Variants in BRD9 observed in about 807,000 individuals in gnomAD.
BRD9 encodes bromodomain containing 9.
BRD9 carries 47 observed loss-of-function variants against 68.7 expected under a neutral mutation model. The ratio of observed to expected loss-of-function variants is 0.68; its 90% confidence interval spans 0.54 to 0.87. BRD9 has a LOEUF of 0.87. Among genes scored for constraint, BRD9 ranks in the 40% least tolerant of loss-of-function variants. The probability of loss-of-function intolerance (pLI) is 0.00; values close to 1 mark genes in which losing one functional copy is unlikely to be tolerated. For missense variants in BRD9, 670 were observed against 748.4 expected, an observed-to-expected ratio of 0.90 and a Z score of 1.22; for synonymous variants, 313 against 293.9, an observed-to-expected ratio of 1.06 and a Z score of -0.67.
chr5:878,178 ACTGGCCTGTGGCAGAC>A (rs1751249398), intron 11 of BRD9, among the ~76,000 whole-genome samples, 161 bp downstream of exon 11: 1 of 152,080 alleles, frequency 6.6e-6, no homozygotes, highest in South Asian at 2.1e-4. Context: ...AGATTTCAGG[ACTGGCCTGTGGCAGAC>A]CTGTGTGGAT....
intron 14 of BRD9, chr5:870,194 T>C (rs1025289978): frequency 5.4e-6 from 2 of 367,528 alleles, no homozygotes; most frequent in African/African-American, 2.1e-5. Flanking sequence ...GCAACACTGA[T>C]GAAATCCACA....
At chr5:881,374 GGA>G (rs1751728712) in intron 8 of BRD9, 192 bp from the exon 9 acceptor site, 5 of 615,728 alleles carry the variant, frequency 8.1e-6, no homozygotes, top group Non-Finnish European at 1.4e-5. Flanking sequence ...CAGGTGCCAA[GGA>G]GAACCTCTTA....
intron 14 of BRD9, 26 bp from the exon 15 acceptor site, chr5:865,607 G>A (rs1464000947): frequency 5.1e-6 from 8 of 1,565,472 alleles, no homozygotes; most frequent in East Asian, 2.3e-5. Flanking sequence ...ATGACCCCAC[G>A]TCGGCTGAGC....
intron 4 of BRD9, 144 bp downstream of exon 4, chr5:889,443 G>A (rs1394184092): frequency 6.6e-6 from 6 of 911,586 alleles, no homozygotes; most frequent in South Asian, 3.5e-5. Flanking sequence ...CTCTTCCTAC[G>A]CACCCCGAAG....
intron 1 of BRD9, 112 bp downstream of exon 1, chr5:892,494 C>T: frequency 6.8e-7 from 1 of 1,469,524 alleles, no homozygotes; most frequent in East Asian, 2.7e-5. Context: ...AGAACCCCTC[C>T]CTCGTGGCCA....
chr5:866,862 A>C (rs1431203032), intron 14 of BRD9, among the ~76,000 whole-genome samples: 1 of 152,226 alleles, frequency 6.6e-6, no homozygotes, highest in African/African-American at 2.4e-5. Context: ...AGAGAGTAAA[A>C]GTTTGGAAAA....
intron 1 of BRD9, chr5:892,379 G>A: frequency 9.5e-7 from 1 of 1,055,558 alleles, no homozygotes. Flanking sequence ...TGGGCTTGCA[G>A]CCTCGAACCC....
chr5:871,173 A>T (rs993285502), intron 13 of BRD9, among the ~76,000 whole-genome samples: 19 of 152,214 alleles, frequency 1.2e-4, no homozygotes, highest in Non-Finnish European at 5.9e-5. Context: ...CTGCCCTGCC[A>T]GCACTGGCCC....
chr5:870,333 G>A, intron 14 of BRD9, 140 bp downstream of exon 14: 1 of 662,458 alleles, frequency 1.5e-6, no homozygotes, highest in East Asian at 2.7e-5. Flanking sequence ...AAAAACCTGG[G>A]ACAAAGACCA....
chr5:892,315 G>T, intron 1 of BRD9: 1 of 604,142 alleles, frequency 1.7e-6, no homozygotes, highest in Non-Finnish European at 2.7e-6. Flanking sequence ...TTCTCCCTGA[G>T]CTCCACACAA....
chr5:891,319 C>G (rs764081180), intron 2 of BRD9, 32 bp from the exon 3 acceptor site: 1 of 1,546,696 alleles, frequency 6.5e-7, no homozygotes, highest in African/African-American at 1.4e-5. Flanking sequence ...GTGAGAAAGG[C>G]AGGAGTAGGC....
chr5:892,380 C>T, intron 1 of BRD9: 7 of 1,068,128 alleles, frequency 6.6e-6, no homozygotes, highest in Non-Finnish European at 7.6e-6. Flanking sequence ...GGGCTTGCAG[C>T]CTCGAACCCA....
chr5:890,355 C>T (rs1360495800), intron 3 of BRD9, among the ~76,000 whole-genome samples: 1 of 152,292 alleles, frequency 6.6e-6, no homozygotes, highest in East Asian at 1.9e-4. Flanking sequence ...CCCTGATGTC[C>T]CATGTCCCAA....
intron 6 of BRD9, among the ~76,000 whole-genome samples, 195 bp downstream of exon 6, chr5:887,166 C>T (rs1752693958): frequency 6.6e-6 from 1 of 152,234 alleles, no homozygotes; most frequent in African/African-American, 2.4e-5. Flanking sequence ...TTCCACCAAC[C>T]CTCAATGAGA....
Position 864,563 on chromosome 5 carries a change from G to C in BRD9, c.1699C>G (p.Pro567Ala). 1 of 1,613,540 alleles carries C rather than the reference G, an allele frequency of 6.2e-7. No individual in the cohort carries two copies. The highest frequency in any genetic ancestry group is 8.5e-7 in the Non-Finnish European group (1 of 1,179,704). The change falls in exon 16 of 16, where the codon CCT becomes GCT. Residue 567 changes from proline (P) to alanine (A), a missense_variant. Physicochemically the swap from Pro to Ala is conservative, Grantham distance 27 (BLOSUM62 -1). Coordinates refer to ENST00000467963, the MANE Select transcript of BRD9 (RefSeq NM_023924.5). ...SERDQHHLGS[P>A]SRLSVGEQPD... is the part of the protein sequence containing the mutation. ...TGCTCCCCGACACTCAGGCGAGAAG[G>C]GCTTCCTGCAATTTTCAGAACACAG...
At chr5:883,185 T>G (rs28379261) in intron 8 of BRD9, 20,306 of 382,998 alleles carry the variant, frequency 0.053, 665 homozygotes, top group African/African-American at 0.11. Context: ...CAGACACCTC[T>G]GAAATGCCCC....
At chr5:883,632 G>A (rs907800878) in intron 8 of BRD9, 2 of 466,670 alleles carry the variant, frequency 4.3e-6, no homozygotes, top group African/African-American at 2.0e-5. Flanking sequence ...CAGAGACACA[G>A]AAGTCAGCAT....
Position 881,110 on chromosome 5 carries a change from C to A in BRD9, c.1039G>T (p.Asp347Tyr). The A allele has an allele frequency of 6.2e-7, 1 of 1,614,076 alleles. No individual in the cohort carries two copies. The change falls in exon 9 of 16, where the codon GAT becomes TAT. Residue 347 changes from aspartate to tyrosine, a missense_variant. Physicochemically the swap from Asp to Tyr is radical, Grantham distance 160. Around this residue, in one of 5 missense-constraint regions of BRD9, gnomAD observed 135 missense variants for 141.2 expected, o/e 0.96. Coordinates refer to ENST00000467963, the MANE Select transcript of BRD9 (RefSeq NM_023924.5). Reference protein sequence around the residue: ...SVVNTAEPDADEEETHPVDLS... With the variant: ...SVVNTAEPDAYEEETHPVDLS... The stretch of plus-strand genomic sequence containing the variant: ...CCAGCCCTGAGCGGGCACCCACCAT[C>A]AGCGTCCGGCTCGGCCGTGTTGACC...
At position 892,739 on chromosome 5, in the gene BRD9, C is replaced by T. The variant is rs1753652202; in HGVS notation, c.-82G>A. ...ACCTTGGCCGCCACCGCCCCCTGGCCCTGGCTGGCCGCCCGCGCTCGCTGC... is the reference window on the plus strand; with the variant it reads ...ACCTTGGCCGCCACCGCCCCCTGGCTCTGGCTGGCCGCCCGCGCTCGCTGC... On this transcript the variant is annotated 5_prime_UTR_variant, in exon 1 of 16. Transcript: ENST00000467963. 4.1e-6 allele frequency: 5 copies of T among 1,212,780 alleles called. No individual in the cohort carries two copies. The highest frequency in any genetic ancestry group is 5.2e-6 in the Non-Finnish European group (5 of 966,036). The allele number at this position is 1,212,780 out of a possible 1,614,324, so 75.1% of individuals were successfully genotyped here. A position where few individuals can be genotyped will look rare whatever the true frequency, so the allele number is the denominator to read the frequency against.
Sources: gnomAD v4.1 joint callset for allele counts (sites outside exome capture counted in the v4.1 genomes callset) on GRCh38, gnomAD v4.1.1 for gene constraint, gnomAD v4.1.1 regional missense constraint, MANE v1.5 for transcripts, NCBI Gene and HGNC (gene_info 2026-07-23, HGNC 2026-07-21) for gene names.